Variants in NSF observed in about 807,000 individuals in gnomAD.
The protein encoded by NSF is vesicle-fusing ATPase.
Under a neutral mutation model 50.3 loss-of-function variants are expected in NSF, and 14 were observed. The observed-to-expected ratio is 0.28, with a 90% confidence interval of 0.18 to 0.44. NSF has a LOEUF of 0.44. Among genes scored for constraint, NSF ranks in the 20% least tolerant of loss-of-function variants. NSF has a pLI of 1.00. For missense variants in NSF, 218 were observed against 504.3 expected (o/e 0.43, Z 5.44); for synonymous variants, 109 against 175.7 (o/e 0.62, Z 3.00).
intron 9 of NSF, among the ~76,000 whole-genome samples, chr17:46,692,488 T>C (rs1816666091): frequency 6.6e-6 from 1 of 150,938 alleles, no homozygotes; most frequent in Non-Finnish European, 1.5e-5. Flanking sequence ...CTACTGCTTC[T>C]GGGACAGTCT....
At chr17:46,609,840 T>TC (rs945011080) in intron 1 of NSF, among the ~76,000 whole-genome samples, 9 of 141,938 alleles carry the variant, frequency 6.3e-5, no homozygotes, top group African/African-American at 2.3e-4. Flanking sequence ...TTTTTTTTTT[T>TC]TTTGAGATAG....
At position 46,712,257 on chromosome 17, in the gene NSF, T is replaced by C. The variant is rs139422627; in HGVS notation, c.1627+1138T>C. ...TCATTATTATTGTCAATCATAATTA[T>C]GCTAGCAGTTTTTGAGCCCTTGCTA... is the stretch of plus-strand genomic sequence containing the variant. On this transcript the variant is annotated intron_variant, in intron 14 of 20. Transcript: ENST00000398238. Among the ~76,000 whole-genome samples the C allele has an allele frequency of 8.5e-5, 13 of 152,354 alleles. No individual in the cohort carries two copies. In the East Asian group the frequency reaches 2.5e-3, roughly 29 times the overall value.
intron 13 of NSF, among the ~76,000 whole-genome samples, chr17:46,709,788 C>T (rs1207042915): frequency 1.3e-5 from 2 of 152,134 alleles, no homozygotes; most frequent in Non-Finnish European, 2.9e-5. Context: ...AGTCACTGCG[C>T]CCGGCCATGA....
intron 15 of NSF, 126 bp downstream of exon 15, chr17:46,714,112 A>C: frequency 1.1e-6 from 1 of 948,114 alleles, no homozygotes; most frequent in East Asian, 3.1e-5. Flanking sequence ...AAGTGGAACC[A>C]AATTATCAGC....
intron 15 of NSF, among the ~76,000 whole-genome samples, chr17:46,717,578 G>A (rs113712415): frequency 0.014 from 2,195 of 152,216 alleles, 48 homozygotes; most frequent in African/African-American, 0.05. Context: ...AGGCATGATG[G>A]CATGTGCCCT....
chr17:46,711,122 G>A lies in NSF; in HGVS notation c.1627+3G>A. 1 of 1,492,602 alleles carries A rather than the reference G, an allele frequency of 6.7e-7. No individual in the cohort carries two copies. The highest frequency in any genetic ancestry group is 8.9e-7 in the Non-Finnish European group (1 of 1,125,628). The allele number at this position is 1,492,602 out of a possible 1,614,324, so 92.5% of individuals were successfully genotyped here. On this transcript the variant is annotated splice_donor_region_variant and intron_variant, in intron 14 of 20. Transcript: ENST00000398238. ...ATTGGTCAGCGTGCTTCTGGAAGGT[G>A]AGAATGAATGAGGAGATGGCATTAA... is the stretch of plus-strand genomic sequence containing the variant.
chr17:46,726,405 G>A (rs2098086807), intron 15 of NSF, 144 bp from the exon 16 acceptor site: 2 of 751,430 alleles, frequency 2.7e-6, no homozygotes, highest in Non-Finnish European at 4.6e-6. Flanking sequence ...GTGATCCAGT[G>A]TGTCAATTCT....
At chr17:46,754,991 G>A (rs1252513589) in intron 19 of NSF, among the ~76,000 whole-genome samples, 1 of 152,266 alleles carries the variant, frequency 6.6e-6, no homozygotes, top group Non-Finnish European at 1.5e-5. Context: ...TTTGAACTCT[G>A]ATGAATGGCC....
At chr17:46,732,351 T>TCCCCCCCCC (rs1470333570) in intron 17 of NSF, among the ~76,000 whole-genome samples, 1 of 124,688 alleles carries the variant, frequency 8.0e-6, no homozygotes, top group African/African-American at 3.1e-5. Context: ...CTTCCACCCC[T>TCCCCCCCCC]CCCCCACCAC....
intron 1 of NSF, among the ~76,000 whole-genome samples, chr17:46,621,075 G>A (rs2058060718): frequency 1.0e-5 from 1 of 100,398 alleles, no homozygotes; most frequent in African/African-American, 4.4e-5. Context: ...TCAATTCTGG[G>A]CGACAGAGCA....
chr17:46,727,137 A>G (rs565927580), intron 16 of NSF, among the ~76,000 whole-genome samples: 6 of 152,194 alleles, frequency 3.9e-5, no homozygotes, highest in Non-Finnish European at 8.8e-5. Flanking sequence ...CAAAAATGGG[A>G]TAATAAATCT....
At chr17:46,735,268 G>A (rs374375902) in intron 17 of NSF, among the ~76,000 whole-genome samples, 6 of 152,208 alleles carry the variant, frequency 3.9e-5, no homozygotes, top group African/African-American at 1.4e-4. Context: ...TCAGAGAAAT[G>A]CTAATAGTGT....
chr17:46,717,086 A>G (rs1379619561), intron 15 of NSF, among the ~76,000 whole-genome samples: 1 of 152,230 alleles, frequency 6.6e-6, no homozygotes, highest in Non-Finnish European at 1.5e-5. Context: ...AATGGAATCA[A>G]CCTGAATGTC....
chr17:46,755,818 G>A lies in NSF; in HGVS notation c.2230G>A (p.Asp744Asn), dbSNP rs184779776. 1.1e-5 allele frequency: 18 copies of A among 1,596,756 alleles called. No individual in the cohort carries two copies. The Admixed American group carries it at 2.9e-4, about 26-fold the overall frequency. The change falls in exon 21 of 21, where the codon GAT (aspartate) becomes AAT (asparagine). Residue 744 changes from aspartate (D) to asparagine (N), a missense_variant. Around this residue, in one of 2 missense-constraint regions of NSF, gnomAD observed 209 missense variants for 320.9 expected, o/e 0.65. Transcript: ENST00000398238. ...REEGASPLDF[D>N] ...CTTTTGCAGTAGCCCCCTTGATTTT[G>A]ATTGAAAATGAACTATTTGAAACAC...
Position 46,728,828 on chromosome 17 carries a change from C to G in NSF, c.1829-27C>G, listed in dbSNP as rs763548545. On this transcript the variant is annotated intron_variant, in intron 16 of 20. Transcript: ENST00000398238. ...GAATATGTACATGTGTATCAAATCC[C>G]TAAACATAATAATGTTTCTTTTCCA... 6 of 1,513,710 alleles carry G rather than the reference C, an allele frequency of 4.0e-6. No individual in the cohort carries two copies. In the South Asian group the frequency reaches 6.0e-5, roughly 15 times the overall value. The allele number at this position is 1,513,710 out of a possible 1,614,324, so 93.8% of individuals were successfully genotyped here.
At chr17:46,723,542 T>C (rs1056440228) in intron 15 of NSF, among the ~76,000 whole-genome samples, 1 of 152,208 alleles carries the variant, frequency 6.6e-6, no homozygotes, top group Non-Finnish European at 1.5e-5. Flanking sequence ...CATTTTCTCT[T>C]TTTCTGTGTT....
intron 1 of NSF, among the ~76,000 whole-genome samples, chr17:46,595,585 G>A (rs113690032): frequency 0.14 from 17,582 of 127,454 alleles, 1 homozygote; most frequent in Middle Eastern, 0.19. Flanking sequence ...TCTGCCTCCC[G>A]GGTTCAAGCG....
chr17:46,638,870 C>T (rs1459025322), intron 5 of NSF, among the ~76,000 whole-genome samples: 2 of 51,086 alleles, frequency 3.9e-5, no homozygotes, highest in Non-Finnish European at 6.3e-5. Flanking sequence ...AGCTAAGGGA[C>T]ATAGTTGAGA....
In NSF at chr17:46,728,948, A is replaced by G; in HGVS notation, c.1908+14A>G. 6.9e-7 allele frequency: 1 copy of G among 1,441,996 alleles called. No individual in the cohort carries two copies. The highest frequency in any genetic ancestry group is 9.7e-7 in the Non-Finnish European group (1 of 1,034,790). The allele number at this position is 1,441,996 out of a possible 1,614,324, so 89.3% of individuals were successfully genotyped here. A position where few individuals can be genotyped will look rare whatever the true frequency, so the allele number is the denominator to read the frequency against. On this transcript the variant is annotated intron_variant, in intron 17 of 20. Coordinates refer to ENST00000398238, the MANE Select transcript of NSF (RefSeq NM_006178.4). ...GCACCTCCTCAGGTAAAATAATACTACTAATAAGGAATATTTTAACAAAGA... is the reference window on the plus strand; with the variant it reads ...GCACCTCCTCAGGTAAAATAATACTGCTAATAAGGAATATTTTAACAAAGA...
Sources: gnomAD v4.1 joint callset for allele counts (sites outside exome capture counted in the v4.1 genomes callset) on GRCh38, gnomAD v4.1.1 for gene constraint, gnomAD v4.1.1 regional missense constraint, MANE v1.5 for transcripts, NCBI Gene and HGNC (gene_info 2026-07-23, HGNC 2026-07-21) for gene names.